DCAF8: variants seen among roughly 807,000 people sequenced by gnomAD.
DCAF8 encodes DDB1 and CUL4 associated factor 8.
Under a neutral mutation model 68.0 loss-of-function variants are expected in DCAF8, and 20 were observed. The observed-to-expected ratio is 0.29, with a 90% CI of 0.21 to 0.43. DCAF8 has a LOEUF of 0.43. DCAF8 is among the 20% of genes least tolerant of loss of function. The pLI is 1.00. For missense variants in DCAF8, 460 were observed against 771.0 expected, an observed-to-expected ratio of 0.60 and a Z score of 4.78; for synonymous variants, 230 against 276.9, an observed-to-expected ratio of 0.83 and a Z score of 1.68.
chr1:160,236,460 A>C (rs964160395), intron 6 of DCAF8, among the ~76,000 whole-genome samples: 2 of 151,940 alleles, frequency 1.3e-5, no homozygotes, highest in East Asian at 3.9e-4. Context: ...ATATATATAT[A>C]TCCTCACAGA....
intron 9 of DCAF8, among the ~76,000 whole-genome samples, chr1:160,224,783 G>A (rs1655411292): frequency 6.6e-6 from 1 of 152,250 alleles, no homozygotes. Flanking sequence ...ACTCAGGAAT[G>A]AGTCAAAGGC....
At chr1:160,250,969 T>C (rs1396252453) in intron 2 of DCAF8, among the ~76,000 whole-genome samples, 2 of 152,142 alleles carry the variant, frequency 1.3e-5, no homozygotes, top group African/African-American at 4.8e-5. Context: ...TAAATATTAT[T>C]ATTGTCCTTG....
At chr1:160,242,996 TA>T (rs1053713979) in intron 3 of DCAF8, among the ~76,000 whole-genome samples, 23 of 152,108 alleles carry the variant, frequency 1.5e-4, no homozygotes, top group Non-Finnish European at 2.2e-4. Flanking sequence ...TATGGAGCAA[TA>T]AAAAAGCATG....
chr1:160,241,299 G>A (rs989156363), intron 3 of DCAF8, among the ~76,000 whole-genome samples: 2 of 152,170 alleles, frequency 1.3e-5, no homozygotes, highest in African/African-American at 4.8e-5. Flanking sequence ...CCTTTTGCTA[G>A]TAAATATATT....
chr1:160,232,498 G>A (rs996976666), intron 6 of DCAF8, among the ~76,000 whole-genome samples: 7 of 152,108 alleles, frequency 4.6e-5, no homozygotes, highest in African/African-American at 9.7e-5. Context: ...AAAATTAGCC[G>A]GGCGTGCTGG....
intron 11 of DCAF8, among the ~76,000 whole-genome samples, chr1:160,222,066 C>G (rs980875754): frequency 2.0e-5 from 3 of 152,180 alleles, no homozygotes; most frequent in African/African-American, 7.2e-5. Flanking sequence ...TGTTTGTTAT[C>G]TATTTGAATG....
chr1:160,225,376 G>A (rs1487467033), intron 8 of DCAF8, among the ~76,000 whole-genome samples: 2 of 152,334 alleles, frequency 1.3e-5, no homozygotes, highest in South Asian at 4.1e-4. Flanking sequence ...GTGCAAGGCA[G>A]TTATTTTTAT....
intron 10 of DCAF8, 107 bp downstream of exon 10, chr1:160,224,335 C>A: frequency 2.6e-6 from 2 of 779,026 alleles, no homozygotes; most frequent in Non-Finnish European, 2.1e-6. Flanking sequence ...CCTCAGTGCC[C>A]ATGGCAACAC....
intron 3 of DCAF8, among the ~76,000 whole-genome samples, chr1:160,241,423 G>T (rs1656111650): frequency 6.6e-6 from 1 of 152,074 alleles, no homozygotes; most frequent in Non-Finnish European, 1.5e-5. Flanking sequence ...TAAAAAGCTG[G>T]GCTACTATAG....
In DCAF8 at chr1:160,244,130, C is replaced by G; in HGVS notation, c.-26-96G>C. ...AGATTTAACAATGTACAGGTTTTAT[C>G]ATTTTTATAAAAATGATTTGTGTAT... is the stretch of plus-strand genomic sequence containing the variant. On this transcript the variant is annotated intron_variant, in intron 2 of 13. Coordinates refer to ENST00000368074, the MANE Select transcript of DCAF8 (RefSeq NM_015726.4). The G allele has an allele frequency of 6.4e-6, 6 of 932,894 alleles. No homozygotes were observed. In the South Asian group the frequency reaches 8.6e-5, roughly 13 times the overall value. The allele number at this position is 932,894 out of a possible 1,614,324, so 57.8% of individuals were successfully genotyped here.
Position 160,238,995 on chromosome 1 carries a change from G to C in DCAF8, c.724-248C>G, listed in dbSNP as rs1343880260. 3 of 541,648 alleles carry C rather than the reference G, an allele frequency of 5.5e-6. No homozygotes were observed. The East Asian group carries it at 1.5e-4, about 26-fold the overall frequency. 33.6% of individuals were successfully genotyped at this position (541,648 alleles called of 1,614,324 possible). On this transcript the variant is annotated intron_variant, in intron 4 of 13. Coordinates refer to ENST00000368074, the MANE Select transcript of DCAF8 (RefSeq NM_015726.4). ...GCTCTGGAAGATTGAACTGGCACAT[G>C]ATAAGAGCTCAGATGAACTAGGACT...
chr1:160,240,357 G>T lies in DCAF8; in HGVS notation c.63C>A (p.Ser21Arg). Residue 21 changes from serine (S) to arginine (R), a missense_variant, in exon 4 of 14, where the codon AGC (serine) becomes AGA (arginine). Physicochemically the swap from Ser to Arg is moderately radical, Grantham distance 110. Transcript: ENST00000368074. ...CAGCTCCAGACATCTCCTCTGGACT[G>T]CTAGACAGGCTTCCTGCATGTTAGT... ...RTDLANGSLS[S>R]SPEEMSGAEE... 1 of 1,608,236 alleles carries T rather than the reference G, an allele frequency of 6.2e-7. No homozygotes were observed. Among genetic ancestry groups the T allele is most frequent in the Non-Finnish European group, 8.5e-7 (1 of 1,176,776 alleles).
intron 2 of DCAF8, among the ~76,000 whole-genome samples, chr1:160,256,064 GCCAGCCTGAAACTC>G (rs2101771224): frequency 9.4e-6 from 1 of 106,892 alleles, no homozygotes; most frequent in Non-Finnish European, 1.8e-5. Context: ...TTGCTATGTT[GCCAGCCTGAAACTC>G]CTGGGCTCAA....
At chr1:160,221,624 G>A (rs1655299839) in intron 11 of DCAF8, among the ~76,000 whole-genome samples, 1 of 152,084 alleles carries the variant, frequency 6.6e-6, no homozygotes, top group Non-Finnish European at 1.5e-5. Flanking sequence ...GCTCTTTGAA[G>A]TTCCCCACAG....
chr1:160,240,102 TTCCTCCTCTTCC>T lies in DCAF8; in HGVS notation c.306_317del (p.Glu109_Glu112del). Reference sequence around the variant, plus strand: ...GAGGCTGCTCTTCTTCCTCCTCTTCTTCCTCCTCTTCCTCTTCCTCTGAGCGGTCATGGACTC... The same window carrying T: ...GAGGCTGCTCTTCTTCCTCCTCTTCTTCTTCCTCTGAGCGGTCATGGACTC... On this transcript the variant is annotated inframe_deletion, in exon 4 of 14. Coordinates refer to ENST00000368074, the MANE Select transcript of DCAF8 (RefSeq NM_015726.4). 6.3e-7 allele frequency: 1 copy of T among 1,581,998 alleles called. No individual in the cohort carries two copies. The highest frequency in any genetic ancestry group is 8.7e-7 in the Non-Finnish European group (1 of 1,150,934).
chr1:160,220,524 C>G (rs1655261093), intron 11 of DCAF8: 1 of 152,230 alleles, frequency 6.6e-6, no homozygotes, highest in African/African-American at 2.4e-5. Flanking sequence ...GTCACTTCAC[C>G]AGACCTGTCT....
Position 160,217,251 on chromosome 1 carries a change from A to T in DCAF8, c.*341T>A. ...CCCCCCACCCCTCCCCCAGCCCAAG[A>T]AACAAGGGAGATTAAAGAAAAAGAA... On this transcript the variant is annotated 3_prime_UTR_variant, in exon 14 of 14. Coordinates refer to ENST00000368074, the MANE Select transcript of DCAF8 (RefSeq NM_015726.4). 4 of 170,926 alleles carry T rather than the reference A, an allele frequency of 2.3e-5. No individual in the cohort carries two copies. Among genetic ancestry groups the T allele is most frequent in the Non-Finnish European group, 2.5e-5 (2 of 80,816 alleles). The allele number at this position is 170,926 out of a possible 1,614,324, so 10.6% of individuals were successfully genotyped here.
intron 7 of DCAF8, among the ~76,000 whole-genome samples, chr1:160,230,094 G>A (rs554678011): frequency 1.3e-5 from 2 of 152,242 alleles, no homozygotes; most frequent in South Asian, 2.1e-4. Context: ...GAAGGCATGG[G>A]AATAGGGGAA....
intron 11 of DCAF8, chr1:160,220,949 A>T (rs1415142339): frequency 6.6e-6 from 1 of 152,220 alleles, no homozygotes; most frequent in Non-Finnish European, 1.5e-5. Flanking sequence ...TCGATCATTC[A>T]GCTTACACAG....
Sources: gnomAD v4.1 joint callset for allele counts (sites outside exome capture counted in the v4.1 genomes callset) on GRCh38, gnomAD v4.1.1 for gene constraint, MANE v1.5 for transcripts, NCBI Gene and HGNC (gene_info 2026-07-23, HGNC 2026-07-21) for gene names.